The following IL1RAPL1 variants were observed in gnomAD, a reference collection of about 807,000 sequenced individuals.
IL1RAPL1 encodes interleukin 1 receptor accessory protein like 1, also known as interleukin-1 receptor accessory protein-like 1.
In IL1RAPL1, 3 loss-of-function variants were observed where a neutral mutation model predicts 48.4. The ratio of observed to expected loss-of-function variants is 0.06; its 90% confidence interval spans 0.03 to 0.16. The LOEUF (loss-of-function observed/expected upper bound fraction) is 0.16. Ranked by LOEUF, IL1RAPL1 falls within the 10% of genes least tolerant of loss-of-function variation. The pLI is 1.00. For synonymous variants in IL1RAPL1, 185 were observed against 187.7 expected, an observed-to-expected ratio of 0.99 and a Z score of 0.12; for missense variants, 349 against 530.6, an observed-to-expected ratio of 0.66 and a Z score of 3.36.
At chrX:29,894,194 G>C (rs1311665585) in intron 6 of IL1RAPL1, among the ~76,000 whole-genome samples, 1 of 111,890 alleles carries the variant, frequency 8.9e-6, no homozygotes, top group African/African-American at 3.2e-5. Context: ...TTATCTTTGT[G>C]TTTCCTACGA....
intron 2 of IL1RAPL1, among the ~76,000 whole-genome samples, chrX:29,009,167 A>T (rs915384246): frequency 8.9e-6 from 1 of 111,846 alleles, no homozygotes. Flanking sequence ...AGACAAAAAG[A>T]TGGGAACAAT....
intron 1 of IL1RAPL1, among the ~76,000 whole-genome samples, chrX:28,631,803 T>G (rs1274307072): frequency 8.9e-6 from 1 of 112,320 alleles, no homozygotes; most frequent in Non-Finnish European, 1.9e-5. Flanking sequence ...AAAACCTTAT[T>G]GGGAGACATA....
intron 2 of IL1RAPL1, among the ~76,000 whole-genome samples, chrX:29,188,213 G>A (rs1030191351): frequency 2.7e-5 from 3 of 111,603 alleles, no homozygotes; most frequent in Non-Finnish European, 5.6e-5. Flanking sequence ...AGCAATCTCT[G>A]CATGTCTCTT....
intron 5 of IL1RAPL1, among the ~76,000 whole-genome samples, chrX:29,638,098 A>G: frequency 9.0e-6 from 1 of 111,139 alleles, no homozygotes; most frequent in South Asian, 3.8e-4. Flanking sequence ...CTTGGTGATC[A>G]AAGGGAATTG....
chrX:29,138,415 G>A lies in IL1RAPL1; in HGVS notation c.83-144523G>A, dbSNP rs572211905. ...TAGATAAAAGAACTGACAGTTGACA[G>A]CTAGGTATAACTTATATATATTTCA... On this transcript the variant is annotated intron_variant, in intron 2 of 10. Coordinates refer to ENST00000378993, the MANE Select transcript of IL1RAPL1 (RefSeq NM_014271.4). Among the ~76,000 whole-genome samples, 14 of 111,538 alleles carry A rather than the reference G, an allele frequency of 1.3e-4. 1 individual carries two copies. The South Asian group carries it at 4.1e-3, about 32-fold the overall frequency.
chrX:29,608,719 G>A (rs111643005), intron 5 of IL1RAPL1, among the ~76,000 whole-genome samples: 23,585 of 93,826 alleles, frequency 0.25, 3,841 homozygotes, highest in African/African-American at 0.38. Context: ...TCAGCTACTC[G>A]GGAGGCTGAG....
chrX:29,145,977 C>T (rs187941486), intron 2 of IL1RAPL1, among the ~76,000 whole-genome samples: 1 of 111,808 alleles, frequency 8.9e-6, no homozygotes, highest in Non-Finnish European at 1.9e-5. Context: ...TGCCTTGCTT[C>T]CCATCAATTC....
chrX:28,780,771 G>C lies in IL1RAPL1; in HGVS notation c.-24-8549G>C, dbSNP rs577068210. ...TTATGATAGCCAGCTCATGTGATCTGCTGTGCTGTAGTTTTTAAGTCATTT... is the reference window on the plus strand; with the variant it reads ...TTATGATAGCCAGCTCATGTGATCTCCTGTGCTGTAGTTTTTAAGTCATTT... On this transcript the variant is annotated intron_variant, in intron 1 of 10. Transcript: ENST00000378993. Among the ~76,000 whole-genome samples, 12 of 109,376 alleles carry C rather than the reference G, an allele frequency of 1.1e-4. No individual in the cohort carries two copies. The South Asian group carries it at 4.6e-3, about 42-fold the overall frequency. 95.0% of individuals were successfully genotyped at this position (109,376 alleles called of 115,157 possible).
In IL1RAPL1 at chrX:29,116,768, T is replaced by C. The variant is rs1928685930; in HGVS notation, c.83-166170T>C. 2.7e-5 allele frequency among the ~76,000 whole-genome samples: 3 copies of C among 110,856 alleles called. 1 individual carries two copies. The Admixed American group carries it at 2.9e-4, about 11-fold the overall frequency. On this transcript the variant is annotated intron_variant, in intron 2 of 10. Transcript: ENST00000378993. ...GGAGAAAAATATCGAAGAGAGTGAA[T>C]GATGTCAAATAAAAGTGCTTTGTGT...
At chrX:29,089,546 A>G (rs1928032831) in intron 2 of IL1RAPL1, among the ~76,000 whole-genome samples, 1 of 99,917 alleles carries the variant, frequency 1.0e-5, no homozygotes, top group Admixed American at 1.1e-4. Context: ...TTTTTTCAGC[A>G]TGTTTTTAAT....
intron 6 of IL1RAPL1, among the ~76,000 whole-genome samples, chrX:29,712,392 AAAT>A (rs1234009181): frequency 1.8e-5 from 2 of 111,935 alleles, no homozygotes; most frequent in African/African-American, 3.2e-5. Flanking sequence ...CTGGCGTGTC[AAAT>A]AATAAATAAT....
chrX:28,731,834 T>A (rs756946982), intron 1 of IL1RAPL1, among the ~76,000 whole-genome samples: 2 of 110,440 alleles, frequency 1.8e-5, no homozygotes, highest in Admixed American at 1.9e-4. Context: ...GAAAATAGAG[T>A]TTTTAAAGAA....
At chrX:29,720,873 A>G (rs1341561612) in intron 6 of IL1RAPL1, among the ~76,000 whole-genome samples, 1 of 112,587 alleles carries the variant, frequency 8.9e-6, no homozygotes, top group Non-Finnish European at 1.9e-5. Context: ...TGTCATGTAT[A>G]TTGGGAAAAA....
intron 5 of IL1RAPL1, among the ~76,000 whole-genome samples, chrX:29,503,822 A>T (rs1250003089): frequency 1.8e-5 from 2 of 109,621 alleles, no homozygotes; most frequent in Non-Finnish European, 3.8e-5. Context: ...ACCAATTTTT[A>T]AAAATTTTTG....
At chrX:28,795,437 TTA>T (rs1177213146) in intron 2 of IL1RAPL1, among the ~76,000 whole-genome samples, 4 of 111,261 alleles carry the variant, frequency 3.6e-5, no homozygotes, top group Non-Finnish European at 7.5e-5. Flanking sequence ...CAGTATAATT[TTA>T]TATAGAGTTG....
At chrX:29,426,721 G>A (rs1054181359) in intron 5 of IL1RAPL1, among the ~76,000 whole-genome samples, 2 of 111,217 alleles carry the variant, frequency 1.8e-5, no homozygotes, top group East Asian at 2.8e-4. Flanking sequence ...TAGCTATGAC[G>A]ATTGATGATT....
chrX:28,737,196 T>C (rs1357430276), intron 1 of IL1RAPL1, among the ~76,000 whole-genome samples: 3 of 92,273 alleles, frequency 3.3e-5, no homozygotes, highest in East Asian at 3.4e-4. Context: ...CCTTTCTCTT[T>C]CTTTCTTTCT....
chrX:29,953,565 A>G (rs759590216), intron 9 of IL1RAPL1, among the ~76,000 whole-genome samples: 3 of 112,212 alleles, frequency 2.7e-5, no homozygotes, highest in Admixed American at 9.4e-5. Flanking sequence ...CTTGATTCTT[A>G]TGAACAAACT....
intron 2 of IL1RAPL1, among the ~76,000 whole-genome samples, chrX:29,014,998 C>A (rs762460808): frequency 1.8e-5 from 2 of 110,805 alleles, no homozygotes; most frequent in South Asian, 7.7e-4. Context: ...TCTGAATAGT[C>A]TAAGAACTCA....
Sources: allele counts gnomAD v4.1 joint callset (sites outside exome capture counted in the v4.1 genomes callset), GRCh38; gene constraint gnomAD v4.1.1; transcripts MANE v1.5; gene names NCBI Gene and HGNC (gene_info 2026-07-23, HGNC 2026-07-21).